The following FANCA variants were observed in gnomAD, a reference collection of about 807,000 sequenced individuals.
FANCA encodes FA complementation group A, also known as Fanconi anemia group A protein.
In FANCA, 236 loss-of-function variants were observed where a neutral mutation model predicts 194.3. The observed-to-expected ratio is 1.21, with a 90% CI of 1.09 to 1.35. The LOEUF (loss-of-function observed/expected upper bound fraction) is 1.35. FANCA is among the 40% of genes most tolerant of loss of function. The pLI is 0.00. For missense variants in FANCA, 2,628 were observed against 1,813.9 expected, an observed-to-expected ratio of 1.45 and a Z score of -8.15; for synonymous variants, 1,014 against 715.8, an observed-to-expected ratio of 1.42 and a Z score of -6.65.
chr16:89,775,952 T>A (rs570072990), intron 20 of FANCA, 137 bp from the exon 21 acceptor site: 3 of 428,198 alleles, frequency 7.0e-6, no homozygotes, highest in Non-Finnish European at 1.2e-5. Context: ...TATGAGCCTG[T>A]TTTTACAAAA....
rs1248260786 is a variant in FANCA, at chr16:89,745,027, C to T, written c.3558G>A (p.Arg1186=). Residue 1186 remains arginine, a synonymous_variant, in exon 36 of 43, where the codon AGG becomes AGA. Coordinates refer to ENST00000389301, the MANE Select transcript of FANCA (RefSeq NM_000135.4). The part of the protein sequence containing the change: ...SLEPVLLCRW[R]RHCQSPLPRE... ...GGGGCAGCGGGCTCTGGCAGTGTCTCCTCCACCGGCAGAGCAGCACAGGCT... is the reference window on the plus strand; with the variant it reads ...GGGGCAGCGGGCTCTGGCAGTGTCTTCTCCACCGGCAGAGCAGCACAGGCT... 4 of 1,610,248 alleles carry T rather than the reference C, an allele frequency of 2.5e-6. No individual in the cohort carries two copies. The highest frequency in any genetic ancestry group is 1.7e-6 in the Non-Finnish European group (2 of 1,179,830).
intron 21 of FANCA, among the ~76,000 whole-genome samples, chr16:89,773,635 C>T (rs931542668): frequency 2.6e-5 from 4 of 152,012 alleles, no homozygotes; most frequent in Non-Finnish European, 4.4e-5. Context: ...AGAAAAAAAG[C>T]GGTTCTGTGT....
In FANCA at chr16:89,770,352, G is replaced by T. The variant is rs563933775; in HGVS notation, c.2223-93C>A. On this transcript the variant is annotated intron_variant, in intron 24 of 42. Transcript: ENST00000389301. The stretch of plus-strand genomic sequence containing the variant: ...CCAACCACCAGCGGCCGAAGAAAGA[G>T]CCAAGCTGTTCCCCAAAACAGTGGT... The T allele has an allele frequency of 3.3e-5, 41 of 1,232,244 alleles. 1 individual carries two copies. In the South Asian group the frequency reaches 5.2e-4, roughly 15 times the overall value. The allele number at this position is 1,232,244 out of a possible 1,614,324, so 76.3% of individuals were successfully genotyped here.
chr16:89,797,597 G>T (rs1285196939), intron 10 of FANCA, among the ~76,000 whole-genome samples: 1 of 152,134 alleles, frequency 6.6e-6, no homozygotes, highest in African/African-American at 2.4e-5. Context: ...TTATTGGCAG[G>T]CCAGGTGCGG....
intron 38 of FANCA, 21 bp from the exon 39 acceptor site, chr16:89,740,120 A>AC: frequency 3.7e-6 from 6 of 1,607,936 alleles, no homozygotes; most frequent in South Asian, 3.3e-5. Flanking sequence ...CAGGAGACCA[A>AC]CCCTGAGAAT....
rs1598199184 is a variant in FANCA at position 89,814,515 on chromosome 16, C to G, written c.283+5G>C. On this transcript the variant is annotated splice_donor_5th_base_variant and intron_variant, in intron 3 of 42. Transcript: ENST00000389301. The stretch of plus-strand genomic sequence containing the variant: ...CAAAATAGAGAAAATGAAGCTATAA[C>G]TTACCTATAAATGAACTAGAATGAT... 3 of 1,596,080 alleles carry G rather than the reference C, an allele frequency of 1.9e-6. No individual in the cohort carries two copies. The highest frequency in any genetic ancestry group is 2.6e-6 in the Non-Finnish European group (3 of 1,163,694).
At chr16:89,761,457 C>T (rs1042502854) in intron 29 of FANCA, among the ~76,000 whole-genome samples, 6 of 150,434 alleles carry the variant, frequency 4.0e-5, no homozygotes, top group Non-Finnish European at 7.4e-5. Flanking sequence ...AAATTGCCAC[C>T]GCGTGGAAGC....
At chr16:89,774,474 T>TA (rs1437751047) in intron 21 of FANCA, among the ~76,000 whole-genome samples, 1 of 152,000 alleles carries the variant, frequency 6.6e-6, no homozygotes, top group Non-Finnish European at 1.5e-5. Context: ...CTCCCACCTG[T>TA]AATCCCAGCA....
At chr16:89,805,488 G>GT (rs1231939837) in intron 6 of FANCA, 96 bp from the exon 7 acceptor site, 2 of 878,804 alleles carry the variant, frequency 2.3e-6, no homozygotes, top group Non-Finnish European at 3.7e-6. Flanking sequence ...TTTTGAGACA[G>GT]TTTTTTGCTG....
At position 89,764,933 on chromosome 16, in the gene FANCA, G is replaced by A. The variant is rs376302719; in HGVS notation, c.2735C>T (p.Thr912Ile). Residue 912 changes from threonine to isoleucine, a missense_variant, in exon 28 of 43, where the codon ACA becomes ATA. Thr to Ile is a moderately conservative substitution (Grantham distance 89). Coordinates refer to ENST00000389301, the MANE Select transcript of FANCA (RefSeq NM_000135.4). Reference protein sequence around the residue: ...DWQRAALSLWTHRTFREVLKE... With the variant: ...DWQRAALSLWIHRTFREVLKE... ...CAACACCTCTCGGAAGGTTCTGTGT[G>A]TCCAGAGAGAGAGGGCAGCTCTCTG... The A allele has an allele frequency of 1.4e-5, 23 of 1,614,110 alleles. No individual in the cohort carries two copies. In the Admixed American group the frequency reaches 2.0e-4, roughly 14 times the overall value.
At position 89,811,138 on chromosome 16, in the gene FANCA, G is replaced by C. The variant is rs17232190; in HGVS notation, c.284-67C>G. ...AGACAAAATCTAAAACCAAAGACTT[G>C]CTGTTTAAAATGCCTTATTTTAAGA... is the stretch of plus-strand genomic sequence containing the variant. On this transcript the variant is annotated intron_variant, in intron 3 of 42. Coordinates refer to ENST00000389301, the MANE Select transcript of FANCA (RefSeq NM_000135.4). 14,129 of 1,605,260 alleles carry C rather than the reference G, an allele frequency of 8.8e-3. 1,156 individuals are homozygous for C. In the African/African-American group the frequency reaches 0.17, roughly 19 times the overall value.
rs375763071 is a variant in FANCA at position 89,786,992 on chromosome 16, C to T, written c.1360-2028G>A. On this transcript the variant is annotated intron_variant, in intron 14 of 42. Coordinates refer to ENST00000389301, the MANE Select transcript of FANCA (RefSeq NM_000135.4). ...AACAGTGAGCCAGATGATCACTGGC[C>T]GCAGCAGGAACAGTCCAGACCCGTC... Among the ~76,000 whole-genome samples the T allele has an allele frequency of 6.6e-5, 10 of 152,286 alleles. No individual in the cohort carries two copies. The East Asian group carries it at 7.7e-4, about 12-fold the overall frequency.
At chr16:89,757,810 T>A (rs2038814681) in intron 30 of FANCA, among the ~76,000 whole-genome samples, 1 of 152,190 alleles carries the variant, frequency 6.6e-6, no homozygotes, top group African/African-American at 2.4e-5. Flanking sequence ...TACTAGGCCA[T>A]TTGTGCCGTG....
chr16:89,764,739 G>C, intron 28 of FANCA, 151 bp downstream of exon 28: 1 of 925,926 alleles, frequency 1.1e-6, no homozygotes, highest in Non-Finnish European at 1.8e-6. Flanking sequence ...GAGACGAGGA[G>C]ACAGTCGGCA....
intron 29 of FANCA, among the ~76,000 whole-genome samples, chr16:89,761,564 G>A (rs186950254): frequency 6.6e-6 from 1 of 151,800 alleles, no homozygotes; most frequent in East Asian, 1.9e-4. Flanking sequence ...ATTAAATTGA[G>A]GATAAAATGA....
chr16:89,754,236 A>C (rs1443317525), intron 30 of FANCA, among the ~76,000 whole-genome samples: 4 of 105,318 alleles, frequency 3.8e-5, no homozygotes, highest in East Asian at 5.7e-4. Flanking sequence ...AAAAAAAAAC[A>C]AAACAAAACA....
intron 30 of FANCA, among the ~76,000 whole-genome samples, chr16:89,754,076 G>C (rs1453668123): frequency 6.6e-6 from 1 of 151,896 alleles, no homozygotes; most frequent in Non-Finnish European, 1.5e-5. Flanking sequence ...ACAAAAATTA[G>C]CTGGGCATGG....
intron 20 of FANCA, among the ~76,000 whole-genome samples, chr16:89,777,669 TCCAAAGTTGGTTGATA>T (rs2039555846): frequency 6.6e-6 from 1 of 152,176 alleles, no homozygotes; most frequent in South Asian, 2.1e-4. Context: ...TCCTATTTCT[TCCAAAGTTGGTTGATA>T]CCAACCAACT....
At chr16:89,771,924 A>AC in intron 22 of FANCA, 110 bp from the exon 23 acceptor site, 1 of 1,267,364 alleles carries the variant, frequency 7.9e-7, no homozygotes, top group African/African-American at 1.5e-5. Flanking sequence ...GATCCTGCTG[A>AC]CTGCACACAT....
Sources: gnomAD v4.1 joint callset for allele counts (sites outside exome capture counted in the v4.1 genomes callset) on GRCh38, gnomAD v4.1.1 for gene constraint, MANE v1.5 for transcripts, NCBI Gene and HGNC (gene_info 2026-07-23, HGNC 2026-07-21) for gene names.